Variants in ZCCHC7 observed in about 807,000 individuals in gnomAD.
ZCCHC7 encodes zinc finger CCHC-type containing 7, also known as zinc finger CCHC domain-containing protein 7.
A neutral mutation model predicts 52.0 loss-of-function variants in ZCCHC7; 35 were observed. That is an observed-to-expected ratio of 0.67 (90% CI 0.51 to 0.89). ZCCHC7 has a LOEUF of 0.89. Ranked by LOEUF, ZCCHC7 falls within the 40% of genes least tolerant of loss-of-function variation. The pLI, the probability that ZCCHC7 is intolerant of heterozygous loss-of-function variation, is 0.00. For synonymous variants in ZCCHC7, 217 were observed against 221.5 expected (o/e 0.98, Z 0.18); for missense variants, 574 against 649.1 (o/e 0.88, Z 1.26).
intron 2 of ZCCHC7, among the ~76,000 whole-genome samples, chr9:37,153,514 C>A (rs114520940): frequency 6.6e-6 from 1 of 151,658 alleles, no homozygotes; most frequent in African/African-American, 2.4e-5. Context: ...AGGGTTCACT[C>A]TGTTTCCCAG....
chr9:37,336,993 C>T (rs550664947), intron 6 of ZCCHC7, among the ~76,000 whole-genome samples: 2 of 152,220 alleles, frequency 1.3e-5, no homozygotes, highest in South Asian at 2.1e-4. Flanking sequence ...AGCTCCTCTC[C>T]GGACAATTGG....
At chr9:37,172,043 G>A (rs1821758192) in intron 2 of ZCCHC7, among the ~76,000 whole-genome samples, 1 of 152,036 alleles carries the variant, frequency 6.6e-6, no homozygotes, top group African/African-American at 2.4e-5. Flanking sequence ...AATAAATGAG[G>A]CGAGTTTTTA....
intron 2 of ZCCHC7, among the ~76,000 whole-genome samples, chr9:37,279,406 CACTT>C (rs1438389115): frequency 2.0e-5 from 3 of 149,492 alleles, no homozygotes; most frequent in East Asian, 2.0e-4. Flanking sequence ...TTAGAACAGA[CACTT>C]AAAAAAAAAA....
chr9:37,123,102 T>TA (rs1402890180), intron 1 of ZCCHC7, among the ~76,000 whole-genome samples: 1 of 152,154 alleles, frequency 6.6e-6, no homozygotes, highest in Admixed American at 6.5e-5. Flanking sequence ...GAGGAGTCTG[T>TA]ATGAGATAAT....
intron 2 of ZCCHC7, among the ~76,000 whole-genome samples, chr9:37,264,133 T>C (rs922813770): frequency 2.6e-5 from 4 of 152,202 alleles, no homozygotes; most frequent in African/African-American, 9.7e-5. Flanking sequence ...ATCCTTGCTG[T>C]CATTTACTAG....
chr9:37,310,582 TA>T (rs1411093791), intron 5 of ZCCHC7, among the ~76,000 whole-genome samples: 1 of 152,186 alleles, frequency 6.6e-6, no homozygotes, highest in African/African-American at 2.4e-5. Context: ...TTAATAAGTC[TA>T]AGGTCTAAAA....
chr9:37,286,270 T>C (rs536393341), intron 2 of ZCCHC7, among the ~76,000 whole-genome samples: 9 of 152,320 alleles, frequency 5.9e-5, no homozygotes, highest in African/African-American at 2.2e-4. Flanking sequence ...ATTAAATCAA[T>C]TATTATTCAT....
rs539903066 is a variant in ZCCHC7, at chr9:37,132,174, C to T, written c.610+5232C>T. ...TCTCCTGGTGGAAGAAAAGATGCAC[C>T]GAAGGAAGTCAGCATATTTAGTAAT... On this transcript the variant is annotated intron_variant, in intron 2 of 8. Transcript: ENST00000336755. 5.9e-5 allele frequency among the ~76,000 whole-genome samples: 9 copies of T among 151,972 alleles called. No individual in the cohort carries two copies. The South Asian group carries it at 1.0e-3, about 18-fold the overall frequency.
At position 37,212,026 on chromosome 9, in the gene ZCCHC7, C is replaced by CAAAAAAAAAAA. The variant is rs574190937; in HGVS notation, c.610+85113_610+85123dup. Among the ~76,000 whole-genome samples, 93 of 55,404 alleles carry CAAAAAAAAAAA rather than the reference C, an allele frequency of 1.7e-3. 6 individuals carry two copies. The highest frequency in any genetic ancestry group is 2.5e-3 in the Non-Finnish European group (75 of 30,222). 36.3% of individuals were successfully genotyped at this position (55,404 alleles called of 152,430 possible). A position where few individuals can be genotyped will look rare whatever the true frequency, so the allele number is the denominator to read the frequency against. On this transcript the variant is annotated intron_variant, in intron 2 of 8. Transcript: ENST00000336755. ...TGGGTGACAGAGCGAGACTCCGTCT[C>CAAAAAAAAAAA]AAAAAAAAAAAAAAAAAAAAAAAAA...
intron 2 of ZCCHC7, among the ~76,000 whole-genome samples, chr9:37,301,398 A>G (rs1264351167): frequency 6.6e-6 from 1 of 152,198 alleles, no homozygotes; most frequent in East Asian, 1.9e-4. Context: ...GGAGTTTGAG[A>G]CCAGCCTGGG....
chr9:37,256,902 CA>C (rs1826615949), intron 2 of ZCCHC7, among the ~76,000 whole-genome samples: 1 of 152,056 alleles, frequency 6.6e-6, no homozygotes, highest in African/African-American at 2.4e-5. Flanking sequence ...TGTGTAATGC[CA>C]GATAATCTTC....
At chr9:37,198,584 A>T (rs1216364684) in intron 2 of ZCCHC7, among the ~76,000 whole-genome samples, 1 of 152,200 alleles carries the variant, frequency 6.6e-6, no homozygotes, top group Non-Finnish European at 1.5e-5. Context: ...TCTATGAGGA[A>T]TTAAGATAAT....
chr9:37,230,735 AATGAAT>A (rs1825362614), intron 2 of ZCCHC7, among the ~76,000 whole-genome samples: 1 of 152,160 alleles, frequency 6.6e-6, no homozygotes, highest in Non-Finnish European at 1.5e-5. Flanking sequence ...ATATGTGTAT[AATGAAT>A]TAATTTTTTT....
At chr9:37,186,780 G>T in intron 2 of ZCCHC7, 1 of 508,352 alleles carries the variant, frequency 2.0e-6, no homozygotes, top group Non-Finnish European at 3.7e-6. Context: ...CTATGGTTAG[G>T]TTTTAATTAA....
At chr9:37,172,002 TTAAA>T (rs1253586154) in intron 2 of ZCCHC7, among the ~76,000 whole-genome samples, 3 of 152,324 alleles carry the variant, frequency 2.0e-5, no homozygotes, top group African/African-American at 2.4e-5. Context: ...ATCAAATTCA[TTAAA>T]TAAGAGAATT....
chr9:37,272,138 A>G (rs1827447032), intron 2 of ZCCHC7, among the ~76,000 whole-genome samples: 1 of 152,198 alleles, frequency 6.6e-6, no homozygotes, highest in Non-Finnish European at 1.5e-5. Flanking sequence ...GATTTTATCT[A>G]CTATACCTTT....
intron 2 of ZCCHC7, among the ~76,000 whole-genome samples, chr9:37,161,326 G>T (rs1206463816): frequency 6.6e-6 from 1 of 152,152 alleles, no homozygotes; most frequent in Non-Finnish European, 1.5e-5. Context: ...TGTAATCCCA[G>T]CACTTTGGGA....
intron 2 of ZCCHC7, among the ~76,000 whole-genome samples, chr9:37,207,566 G>A (rs1409143681): frequency 9.0e-6 from 1 of 110,900 alleles, no homozygotes; most frequent in Non-Finnish European, 1.8e-5. Context: ...TTTTCCTTCT[G>A]GTCATTCTTG....
chr9:37,292,319 C>T (rs979493208), intron 2 of ZCCHC7, among the ~76,000 whole-genome samples: 1 of 152,074 alleles, frequency 6.6e-6, no homozygotes, highest in African/African-American at 2.4e-5. Flanking sequence ...AATGAAAAGG[C>T]ACTAGAGATG....
Sources: allele counts gnomAD v4.1 joint callset (sites outside exome capture counted in the v4.1 genomes callset), GRCh38; gene constraint gnomAD v4.1.1; transcripts MANE v1.5; gene names NCBI Gene and HGNC (gene_info 2026-07-23, HGNC 2026-07-21).